Variants in NTNG1 observed in about 807,000 individuals in gnomAD.
The protein encoded by NTNG1 is netrin G1.
A neutral mutation model predicts 54.0 loss-of-function variants in NTNG1; 16 were observed. That is an observed-to-expected ratio of 0.30 (90% CI 0.20 to 0.45). The LOEUF is 0.45. NTNG1 is among the 20% of genes least tolerant of loss of function. The pLI, the probability that NTNG1 is intolerant of heterozygous loss-of-function variation, is 1.00. For synonymous variants in NTNG1, 255 were observed against 263.1 expected, an observed-to-expected ratio of 0.97 and a Z score of 0.30; for missense variants, 530 against 678.7, an observed-to-expected ratio of 0.78 and a Z score of 2.43.
intron 7 of NTNG1, among the ~76,000 whole-genome samples, chr1:107,461,435 G>T (rs370797388): frequency 6.6e-6 from 1 of 152,182 alleles, no homozygotes; most frequent in East Asian, 1.9e-4. Context: ...GGAGGGTGCT[G>T]ATGAGGGAGA....
chr1:107,370,506 C>T (rs1175868192), intron 3 of NTNG1, among the ~76,000 whole-genome samples: 1 of 151,596 alleles, frequency 6.6e-6, no homozygotes, highest in African/African-American at 2.4e-5. Context: ...TATCCCTCAC[C>T]CCCCTTTCAT....
At chr1:107,152,025 TATATATACATAC>T (rs951569907) in intron 2 of NTNG1, among the ~76,000 whole-genome samples, 25 of 150,062 alleles carry the variant, frequency 1.7e-4, no homozygotes, top group Admixed American at 5.3e-4. Context: ...CACATACATA[TATATATACATAC>T]ATATATACAT....
intron 2 of NTNG1, among the ~76,000 whole-genome samples, chr1:107,172,945 C>T (rs2101098436): frequency 6.6e-6 from 1 of 152,278 alleles, no homozygotes; most frequent in South Asian, 2.1e-4. Flanking sequence ...GTGAACTTGA[C>T]TCTTGAGAAC....
At chr1:107,165,592 C>G (rs534691388) in intron 2 of NTNG1, among the ~76,000 whole-genome samples, 1 of 152,138 alleles carries the variant, frequency 6.6e-6, no homozygotes, top group Non-Finnish European at 1.5e-5. Context: ...CAGAAATGAA[C>G]CTGTGTTCTC....
intron 2 of NTNG1, among the ~76,000 whole-genome samples, chr1:107,295,697 C>A (rs2101781965): frequency 6.6e-6 from 1 of 151,852 alleles, no homozygotes; most frequent in South Asian, 2.1e-4. Context: ...TAAATTGTAG[C>A]TATTGTTATG....
intron 2 of NTNG1, among the ~76,000 whole-genome samples, chr1:107,276,890 T>A (rs1664514232): frequency 6.6e-6 from 1 of 151,924 alleles, no homozygotes; most frequent in Non-Finnish European, 1.5e-5. Context: ...TTATCTTTGA[T>A]GGTGAATAGA....
At chr1:107,396,568 G>T (rs1672698736) in intron 4 of NTNG1, among the ~76,000 whole-genome samples, 1 of 152,150 alleles carries the variant, frequency 6.6e-6, no homozygotes, top group African/African-American at 2.4e-5. Flanking sequence ...GTTTCAAGGT[G>T]ATTTTATTGA....
chr1:107,449,558 C>T (rs970924140), intron 7 of NTNG1, among the ~76,000 whole-genome samples: 4 of 151,914 alleles, frequency 2.6e-5, no homozygotes, highest in African/African-American at 7.2e-5. Flanking sequence ...AAGAGCACTG[C>T]GGACTGTGGG....
intron 3 of NTNG1, among the ~76,000 whole-genome samples, chr1:107,333,514 T>C (rs1472826522): frequency 6.6e-6 from 1 of 152,012 alleles, no homozygotes; most frequent in Non-Finnish European, 1.5e-5. Flanking sequence ...AGACAGAGCC[T>C]CTAGAACTTA....
At chr1:107,440,841 G>A (rs1031154467) in intron 7 of NTNG1, among the ~76,000 whole-genome samples, 4 of 152,024 alleles carry the variant, frequency 2.6e-5, no homozygotes, top group Admixed American at 6.6e-5. Context: ...CACCAATTAT[G>A]TACTGTGTAA....
At chr1:107,210,914 C>T (rs1323955042) in intron 2 of NTNG1, among the ~76,000 whole-genome samples, 1 of 152,118 alleles carries the variant, frequency 6.6e-6, no homozygotes, top group Non-Finnish European at 1.5e-5. Context: ...ATCCTGTTTT[C>T]CATTTCTTTC....
chr1:107,369,290 A>T (rs1006614420), intron 3 of NTNG1, among the ~76,000 whole-genome samples: 1 of 152,186 alleles, frequency 6.6e-6, no homozygotes, highest in African/African-American at 2.4e-5. Flanking sequence ...ATCATATGGT[A>T]AACATAAGTT....
intron 3 of NTNG1, among the ~76,000 whole-genome samples, chr1:107,352,556 A>G (rs984889089): frequency 3.3e-5 from 5 of 152,170 alleles, no homozygotes; most frequent in Admixed American, 3.3e-4. Context: ...ATCAAAAACA[A>G]GTTAGTTACC....
chr1:107,285,922 C>T (rs1329261573), intron 2 of NTNG1, among the ~76,000 whole-genome samples: 1 of 152,022 alleles, frequency 6.6e-6, no homozygotes, highest in African/African-American at 2.4e-5. Context: ...TCGCTCCTCA[C>T]CGCTATCTCT....
chr1:107,330,101 C>T (rs760376985), intron 3 of NTNG1, among the ~76,000 whole-genome samples: 1 of 151,932 alleles, frequency 6.6e-6, no homozygotes, highest in Non-Finnish European at 1.5e-5. Context: ...CCTAGGCAGA[C>T]AAATTATACC....
At chr1:107,313,472 G>A (rs541665710) in intron 2 of NTNG1, among the ~76,000 whole-genome samples, 2 of 152,108 alleles carry the variant, frequency 1.3e-5, no homozygotes, top group Non-Finnish European at 2.9e-5. Context: ...GTTCACCTGA[G>A]AAATCATATC....
chr1:107,480,440 T>C (rs1360924902), intron 7 of NTNG1, among the ~76,000 whole-genome samples, 171 bp from the exon 8 acceptor site: 1 of 152,016 alleles, frequency 6.6e-6, no homozygotes, highest in Non-Finnish European at 1.5e-5. Flanking sequence ...GAAAACTACA[T>C]TTGTTTGGAA....
intron 2 of NTNG1, among the ~76,000 whole-genome samples, chr1:107,267,682 A>G (rs1663842240): frequency 6.6e-6 from 1 of 152,108 alleles, no homozygotes; most frequent in African/African-American, 2.4e-5. Context: ...AGGTCTTTGA[A>G]CGTGCTGCTT....
chr1:107,248,495 A>G (rs1236916017), intron 2 of NTNG1, among the ~76,000 whole-genome samples: 1 of 152,174 alleles, frequency 6.6e-6, no homozygotes, highest in African/African-American at 2.4e-5. Context: ...TAATCTTACT[A>G]AGGAACTAAG....
Sources: gnomAD v4.1 joint callset for allele counts (sites outside exome capture counted in the v4.1 genomes callset) on GRCh38, gnomAD v4.1.1 for gene constraint, MANE v1.5 for transcripts, NCBI Gene and HGNC (gene_info 2026-07-23, HGNC 2026-07-21) for gene names.